SLIT2: variants seen among roughly 807,000 people sequenced by gnomAD.
The protein encoded by SLIT2 is slit homolog 2 protein.
In SLIT2, 41 loss-of-function variants were observed where a neutral mutation model predicts 185.7. The ratio of observed to expected loss-of-function variants is 0.22; its 90% CI spans 0.17 to 0.29. The LOEUF (loss-of-function observed/expected upper bound fraction) is 0.29, where lower values mean the gene tolerates loss of function less well. Ranked by LOEUF, SLIT2 falls within the 10% of genes least tolerant of loss-of-function variation. The probability of loss-of-function intolerance (pLI) is 1.00; values close to 1 mark genes in which losing one functional copy is unlikely to be tolerated. For synonymous variants in SLIT2, 693 were observed against 680.2 expected, an observed-to-expected ratio of 1.02 and a Z score of -0.29; for missense variants, 1,571 against 1,909.0, an observed-to-expected ratio of 0.82 and a Z score of 3.30.
At chr4:20,575,766 C>A (rs370247647) in intron 29 of SLIT2, among the ~76,000 whole-genome samples, 3 of 152,144 alleles carry the variant, frequency 2.0e-5, no homozygotes, top group East Asian at 3.9e-4. Flanking sequence ...CCACAAAATT[C>A]AAGTGCAGCC....
Position 20,519,002 on chromosome 4 carries a change from C to A in SLIT2, c.1059-380C>A, listed in dbSNP as rs539112191. Among the ~76,000 whole-genome samples the A allele has an allele frequency of 2.1e-3, 319 of 152,202 alleles. 2 individuals carry two copies. The highest frequency in any genetic ancestry group is 7.7e-3 in the Admixed American group (118 of 15,286). Reference sequence around the variant, plus strand: ...GAGGACTTTTATGTCACTGTATACTCTTCTATACTTGATTCTACACTTAGC... The same window carrying A: ...GAGGACTTTTATGTCACTGTATACTATTCTATACTTGATTCTACACTTAGC... On this transcript the variant is annotated intron_variant, in intron 11 of 36. Transcript: ENST00000504154.
rs780111778 is a variant in SLIT2 at position 20,523,791 on chromosome 4, C to T, written c.1162C>T (p.Arg388Trp). 7.4e-6 allele frequency: 12 copies of T among 1,613,848 alleles called. No individual in the cohort carries two copies. In the South Asian group the frequency reaches 8.8e-5, roughly 12 times the overall value. Residue 388 changes from arginine to tryptophan, a missense_variant, in exon 13 of 37, where the codon CGG becomes TGG. Arg to Trp is a moderately radical substitution (Grantham distance 101). Around this residue, in one of 3 missense-constraint regions of SLIT2, gnomAD observed 1,202 missense variants for 1,416.4 expected, o/e 0.85. Coordinates refer to ENST00000504154, the MANE Select transcript of SLIT2 (RefSeq NM_004787.4). ...LLNANKINCL[R>W]VDAFQDLHNL... ...GAATGCCAACAAGATAAACTGCCTT[C>T]GGGTAGATGCTTTTCAGGATCTCCA...
At chr4:20,454,314 A>C (rs1340441226) in intron 4 of SLIT2, among the ~76,000 whole-genome samples, 2 of 152,174 alleles carry the variant, frequency 1.3e-5, no homozygotes, top group East Asian at 1.9e-4. Flanking sequence ...TACTGTTATT[A>C]GGATCTTCAA....
Position 20,434,305 on chromosome 4 carries a change from T to C in SLIT2, c.396-33447T>C, listed in dbSNP as rs564308472. ...GAGTTTGAGACCAGCCTGACCAACA[T>C]GGAGAACCCTATCTCTACTAAAAAT... On this transcript the variant is annotated intron_variant, in intron 4 of 36. Transcript: ENST00000504154. Among the ~76,000 whole-genome samples the C allele has an allele frequency of 6.8e-4, 79 of 116,004 alleles. No homozygotes were observed. In the South Asian group the frequency reaches 0.016, roughly 23 times the overall value. 76.1% of individuals were successfully genotyped at this position (116,004 alleles called of 152,430 possible).
chr4:20,439,216 G>C (rs1300957712), intron 4 of SLIT2, among the ~76,000 whole-genome samples: 1 of 152,160 alleles, frequency 6.6e-6, no homozygotes, highest in Non-Finnish European at 1.5e-5. Flanking sequence ...AAGACACATA[G>C]AGGTGAAATG....
chr4:20,529,175 G>T (rs1560504886), intron 16 of SLIT2, 76 bp downstream of exon 16: 1 of 1,138,336 alleles, frequency 8.8e-7, no homozygotes, highest in South Asian at 2.2e-5. Flanking sequence ...TGTTTGTCTT[G>T]CCATTTTTAT....
intron 4 of SLIT2, among the ~76,000 whole-genome samples, chr4:20,277,418 A>C (rs1057180539): frequency 6.6e-6 from 1 of 152,036 alleles, no homozygotes; most frequent in Non-Finnish European, 1.5e-5. Context: ...ATAAGTTTCT[A>C]GACTAATATA....
intron 4 of SLIT2, among the ~76,000 whole-genome samples, chr4:20,377,680 T>C (rs1724141779): frequency 6.6e-6 from 1 of 152,070 alleles, no homozygotes; most frequent in South Asian, 2.1e-4. Context: ...TTACTTACAT[T>C]GAGGGAGTGA....
chr4:20,456,058 A>T (rs957649455), intron 4 of SLIT2, among the ~76,000 whole-genome samples: 1 of 152,156 alleles, frequency 6.6e-6, no homozygotes, highest in African/African-American at 2.4e-5. Flanking sequence ...ATACATCGAC[A>T]TGAAAAACCT....
chr4:20,569,474 T>C (rs1233527508), intron 29 of SLIT2, among the ~76,000 whole-genome samples: 2 of 152,046 alleles, frequency 1.3e-5, no homozygotes, highest in African/African-American at 4.8e-5. Context: ...CAGGAAGATA[T>C]TGAGCACTTT....
chr4:20,533,743 C>A, intron 18 of SLIT2, 28 bp downstream of exon 18: 1 of 1,593,468 alleles, frequency 6.3e-7, no homozygotes, highest in Non-Finnish European at 8.6e-7. Flanking sequence ...CATTGCAGTT[C>A]TTCTACCAAA....
In SLIT2 at chr4:20,617,515, C is replaced by T; in HGVS notation, c.4213C>T (p.Leu1405Phe). ...CKCLEGHGGV[L>F]CDEEEDLFNP... ...GTGCTTGGAGGGCCATGGAGGTGTC[C>T]TCTGTGATGAAGAGGAGGATCTGTT... Residue 1405 changes from leucine (L) to phenylalanine (F), a missense_variant, in exon 36 of 37, where the codon CTC (leucine) becomes TTC (phenylalanine). Coordinates refer to ENST00000504154, the MANE Select transcript of SLIT2 (RefSeq NM_004787.4). The T allele has an allele frequency of 6.2e-7, 1 of 1,613,988 alleles. No homozygotes were observed. The highest frequency in any genetic ancestry group is 8.5e-7 in the Non-Finnish European group (1 of 1,179,980).
At chr4:20,415,342 C>T (rs1341432892) in intron 4 of SLIT2, among the ~76,000 whole-genome samples, 2 of 126,824 alleles carry the variant, frequency 1.6e-5, no homozygotes, top group African/African-American at 3.0e-5. Flanking sequence ...AGCCAGGAGG[C>T]GGAGCTTGCA....
At chr4:20,262,515 A>G (rs896747814) in intron 3 of SLIT2, among the ~76,000 whole-genome samples, 1 of 151,900 alleles carries the variant, frequency 6.6e-6, no homozygotes, top group African/African-American at 2.4e-5. Context: ...TCTTAACAGA[A>G]TGACAGTCTA....
intron 4 of SLIT2, among the ~76,000 whole-genome samples, chr4:20,363,875 A>G (rs1263817413): frequency 1.3e-5 from 2 of 152,164 alleles, no homozygotes; most frequent in Non-Finnish European, 2.9e-5. Context: ...AAGTGGAAGT[A>G]TTTCTGTCTT....
At chr4:20,366,878 G>T (rs1227475621) in intron 4 of SLIT2, among the ~76,000 whole-genome samples, 1 of 151,954 alleles carries the variant, frequency 6.6e-6, no homozygotes, top group African/African-American at 2.4e-5. Context: ...GCTCACTGCA[G>T]CCTCAACCTC....
intron 7 of SLIT2, among the ~76,000 whole-genome samples, chr4:20,488,476 A>C (rs1577765575): frequency 2.0e-5 from 3 of 151,750 alleles, no homozygotes; most frequent in East Asian, 3.9e-4. Context: ...CAGTCTCCCC[A>C]TTCTCCCACC....
Position 20,616,960 on chromosome 4 carries a change from A to G in SLIT2, c.3898A>G (p.Asn1300Asp). The G allele has an allele frequency of 6.2e-7, 1 of 1,613,812 alleles. No homozygotes were observed. Among genetic ancestry groups the G allele is most frequent in the Non-Finnish European group, 8.5e-7 (1 of 1,179,804 alleles). Residue 1300 changes from asparagine to aspartate, a missense_variant, in exon 35 of 37, where the codon AAC (asparagine) becomes GAC (aspartate). This residue lies in a region of SLIT2 where 146 missense variants were observed against 247.4 expected (regional missense o/e 0.59). Coordinates refer to ENST00000504154, the MANE Select transcript of SLIT2 (RefSeq NM_004787.4). ...ATCTCTGCGCCAGGCCCCTGGGCAGAACGGAACCAGCTTCCACGGCTGCAT... is the reference window on the plus strand; with the variant it reads ...ATCTCTGCGCCAGGCCCCTGGGCAGGACGGAACCAGCTTCCACGGCTGCAT... ...VASLRQAPGQ[N>D]GTSFHGCIRN...
rs1269506792 is a variant in SLIT2 at position 20,364,179 on chromosome 4, A to G, written c.395+95298A>G. The G allele has an allele frequency of 7.5e-6, 5 of 665,046 alleles. No homozygotes were observed. In the East Asian group the frequency reaches 5.5e-4, roughly 73 times the overall value. The allele number at this position is 665,046 out of a possible 1,614,324, so 41.2% of individuals were successfully genotyped here. ...TCTGAAAAGCAGACTTTACACTTAG[A>G]GAAATACTGGGATGGAGCATTTGTG... On this transcript the variant is annotated intron_variant, in intron 4 of 36. Coordinates refer to ENST00000504154, the MANE Select transcript of SLIT2 (RefSeq NM_004787.4).
Sources: gnomAD v4.1 joint callset for allele counts (sites outside exome capture counted in the v4.1 genomes callset) on GRCh38, gnomAD v4.1.1 for gene constraint, gnomAD v4.1.1 regional missense constraint, MANE v1.5 for transcripts, NCBI Gene and HGNC (gene_info 2026-07-23, HGNC 2026-07-21) for gene names.